ADCY5: variants seen among roughly 807,000 people sequenced by gnomAD.
ADCY5 encodes adenylate cyclase type 5.
In ADCY5, 30 loss-of-function variants were observed where a neutral mutation model predicts 119.7. The ratio of observed to expected loss-of-function variants is 0.25; its 90% CI spans 0.19 to 0.34. The LOEUF (loss-of-function observed/expected upper bound fraction) is 0.34. Among genes scored for constraint, ADCY5 ranks in the 10% least tolerant of loss-of-function variants. The pLI, the probability that ADCY5 is intolerant of heterozygous loss-of-function variation, is 1.00. For missense variants in ADCY5, 1,324 were observed against 1,775.2 expected (o/e 0.75, Z 4.57); for synonymous variants, 753 against 762.2 (o/e 0.99, Z 0.20).
In ADCY5 at chr3:123,289,852, C is replaced by T; in HGVS notation, c.3430G>A (p.Gly1144Ser). Residue 1144 changes from glycine (G) to serine (S), a missense_variant, in exon 19 of 21, where the codon GGC (glycine) becomes AGC (serine). By Grantham distance (56) the Gly-to-Ser change is moderately conservative (BLOSUM62 0). This residue lies in a region of ADCY5 where 178 missense variants were observed against 329.6 expected (regional missense o/e 0.54). Transcript: ENST00000462833. ...GCCAGTGCCTTGATGTGGGTCTTGC[C>T]CACCTTGTCGTAGGTAGAGTCGTTG... ...GLNDSTYDKV[G>S]KTHIKALADF... The T allele has an allele frequency of 1.2e-6, 2 of 1,614,192 alleles. No homozygotes were observed. Among genetic ancestry groups the T allele is most frequent in the Non-Finnish European group, 1.7e-6 (2 of 1,180,026 alleles).
At chr3:123,354,758 T>C (rs1285252547) in intron 1 of ADCY5, among the ~76,000 whole-genome samples, 2 of 152,080 alleles carry the variant, frequency 1.3e-5, no homozygotes, top group Admixed American at 1.3e-4. Flanking sequence ...CTATACAACA[T>C]GACCAAATGG....
intron 17 of ADCY5, 123 bp downstream of exon 17, chr3:123,295,961 G>A: frequency 7.0e-7 from 1 of 1,423,202 alleles, no homozygotes. Flanking sequence ...TGGGGCCTGA[G>A]CAAGACAGCT....
At chr3:123,316,121 T>A (rs1287029645) in intron 11 of ADCY5, among the ~76,000 whole-genome samples, 1 of 152,214 alleles carries the variant, frequency 6.6e-6, no homozygotes, top group Admixed American at 6.5e-5. Context: ...TTTGACACCA[T>A]GTACCTCCTG....
intron 3 of ADCY5, among the ~76,000 whole-genome samples, chr3:123,337,507 C>T (rs1942080601): frequency 6.6e-6 from 1 of 152,240 alleles, no homozygotes; most frequent in Non-Finnish European, 1.5e-5. Context: ...CCTGCTCCCG[C>T]TGAAACTCAA....
In ADCY5 at chr3:123,448,598, G is replaced by T; in HGVS notation, c.-53C>A. On this transcript the variant is annotated 5_prime_UTR_variant, in exon 1 of 21. Transcript: ENST00000462833. ...CTCCTCCCCCGGAAGCCGGGCCGGG[G>T]GTCTCCAAGGGGAGGGCGGACGGCC... 1 of 1,265,716 alleles carries T rather than the reference G, an allele frequency of 7.9e-7. No homozygotes were observed. The highest frequency in any genetic ancestry group is 3.0e-5 in the South Asian group (1 of 33,746). 78.4% of individuals were successfully genotyped at this position (1,265,716 alleles called of 1,614,324 possible).
rs1164618642 is a variant in ADCY5 at position 123,396,546 on chromosome 3, A to AAAAG, written c.1135-43966_1135-43965insCTTT. On this transcript the variant is annotated intron_variant, in intron 1 of 20. Coordinates refer to ENST00000462833, the MANE Select transcript of ADCY5 (RefSeq NM_183357.3). The stretch of plus-strand genomic sequence containing the variant: ...GAGAGAGAAAGAAAAGAAAGAAAGA[A>AAAAG]AGAAAGAAAAAGAGAAAGAAAGGAA... Among the ~76,000 whole-genome samples, 70 of 142,092 alleles carry AAAAG rather than the reference A, an allele frequency of 4.9e-4. 1 individual carries two copies. The highest frequency in any genetic ancestry group is 2.0e-4 in the Non-Finnish European group (13 of 64,390). The allele number at this position is 142,092 out of a possible 152,430, so 93.2% of individuals were successfully genotyped here.
At chr3:123,318,934 CAACTTT>C (rs1384549715) in intron 10 of ADCY5, among the ~76,000 whole-genome samples, 2 of 152,176 alleles carry the variant, frequency 1.3e-5, no homozygotes, top group African/African-American at 4.8e-5. Flanking sequence ...CTGTCCCTGC[CAACTTT>C]AACACCTTGA....
intron 3 of ADCY5, among the ~76,000 whole-genome samples, chr3:123,333,869 C>G (rs563767389): frequency 6.6e-6 from 1 of 152,158 alleles, no homozygotes; most frequent in Non-Finnish European, 1.5e-5. Context: ...CTGAGGGAGT[C>G]CTCTATCCCC....
At chr3:123,407,589 TAAAAAAA>T (rs35895488) in intron 1 of ADCY5, among the ~76,000 whole-genome samples, 1 of 94,176 alleles carries the variant, frequency 1.1e-5, no homozygotes, top group African/African-American at 4.6e-5. Flanking sequence ...CTATCTCTAC[TAAAAAAA>T]AAAAAAAAAA....
chr3:123,370,687 C>T (rs1013089886), intron 1 of ADCY5, among the ~76,000 whole-genome samples: 4 of 152,228 alleles, frequency 2.6e-5, no homozygotes, highest in Non-Finnish European at 4.4e-5. Context: ...CTTCTTAAGG[C>T]CACTGTATTT....
At chr3:123,385,855 C>T (rs566583156) in intron 1 of ADCY5, among the ~76,000 whole-genome samples, 1 of 152,296 alleles carries the variant, frequency 6.6e-6, no homozygotes, top group African/African-American at 2.4e-5. Context: ...ACAAAAAAGA[C>T]TTCTTTCGTG....
intron 1 of ADCY5, chr3:123,368,031 G>A (rs1030779548): frequency 2.1e-5 from 31 of 1,478,504 alleles, no homozygotes; most frequent in Non-Finnish European, 2.7e-5. Flanking sequence ...AGGGATCCAG[G>A]GGCCCCAGAG....
chr3:123,286,735 C>T lies in ADCY5; in HGVS notation c.3607G>A (p.Val1203Met), dbSNP rs1356574036. 4 of 1,613,492 alleles carry T rather than the reference C, an allele frequency of 2.5e-6. No individual in the cohort carries two copies. Among genetic ancestry groups the T allele is most frequent in the Non-Finnish European group, 3.4e-6 (4 of 1,179,806 alleles). Residue 1203 changes from valine to methionine, a missense_variant, in exon 20 of 21, where the codon GTG becomes ATG. This residue lies in a region of ADCY5 where 178 missense variants were observed against 329.6 expected (regional missense o/e 0.54). Coordinates refer to ENST00000462833, the MANE Select transcript of ADCY5 (RefSeq NM_183357.3). The surrounding 1 kb of genome is among the most constrained non-coding windows in gnomAD (Gnocchi z 4.2). The stretch of plus-strand genomic sequence containing the variant: ...CTGTCCATGCGGCTGGCCACGTTCA[C>T]GGTATTGCCCCAGATGTCGTACTGA... The part of the protein sequence containing the change: ...KPQYDIWGNT[V>M]NVASRMDSTG...
chr3:123,432,464 C>T (rs1004308868), intron 1 of ADCY5, among the ~76,000 whole-genome samples: 1 of 152,178 alleles, frequency 6.6e-6, no homozygotes, highest in Non-Finnish European at 1.5e-5. Flanking sequence ...CATGGCCTGA[C>T]AGCACAGTGG....
chr3:123,395,979 G>GAAAGAAAGA (rs1553744080), intron 1 of ADCY5, among the ~76,000 whole-genome samples: 1 of 111,240 alleles, frequency 9.0e-6, no homozygotes, highest in African/African-American at 3.4e-5. Flanking sequence ...AAGAAAGGAA[G>GAAAGAAAGA]GAAAGAAAGA....
At chr3:123,313,557 G>A (rs977120319) in intron 12 of ADCY5, among the ~76,000 whole-genome samples, 7 of 152,196 alleles carry the variant, frequency 4.6e-5, no homozygotes, top group Non-Finnish European at 1.5e-5. Flanking sequence ...TGAGGGAAAG[G>A]CCTGATGGGC....
chr3:123,440,635 C>T (rs1037670134), intron 1 of ADCY5, among the ~76,000 whole-genome samples: 2 of 152,146 alleles, frequency 1.3e-5, no homozygotes, highest in Admixed American at 6.5e-5. Flanking sequence ...TGTCTTGCTC[C>T]TCCACCCCCT....
intron 1 of ADCY5, among the ~76,000 whole-genome samples, chr3:123,372,450 G>A (rs554610122): frequency 6.6e-6 from 1 of 152,336 alleles, no homozygotes; most frequent in South Asian, 2.1e-4. Context: ...AGATAGGAGA[G>A]TGTCCCTTTT....
At chr3:123,385,161 T>C (rs1944176586) in intron 1 of ADCY5, among the ~76,000 whole-genome samples, 1 of 152,256 alleles carries the variant, frequency 6.6e-6, no homozygotes. Flanking sequence ...AGCACAGCTC[T>C]GGATGGCTCT....
Sources: allele counts gnomAD v4.1 joint callset (sites outside exome capture counted in the v4.1 genomes callset), GRCh38; gene constraint gnomAD v4.1.1; regional missense constraint gnomAD v4.1.1; non-coding constraint Gnocchi (gnomAD v3.1); transcripts MANE v1.5; gene names NCBI Gene and HGNC (gene_info 2026-07-23, HGNC 2026-07-21).